STX17: variants seen among roughly 807,000 people sequenced by gnomAD.
The protein encoded by STX17 is syntaxin 17, also known as syntaxin-17.
In STX17, 29 loss-of-function variants were observed where a neutral mutation model predicts 35.9. The ratio of observed to expected loss-of-function variants is 0.81; its 90% CI spans 0.60 to 1.10. STX17 has a LOEUF of 1.10. Among genes scored for constraint, STX17 ranks in the 50% least tolerant of loss-of-function variants. STX17 has a pLI of 0.00. For missense variants in STX17, 312 were observed against 352.3 expected, an observed-to-expected ratio of 0.89 and a Z score of 0.92; for synonymous variants, 92 against 118.3, an observed-to-expected ratio of 0.78 and a Z score of 1.44.
chr9:99,940,470 CTTTTTTT>C (rs71498721), intron 3 of STX17, among the ~76,000 whole-genome samples: 9 of 107,752 alleles, frequency 8.4e-5, no homozygotes, highest in Admixed American at 3.0e-4. Flanking sequence ...TAGAATTTTA[CTTTTTTT>C]TTTTTTTTTT....
chr9:99,923,525 C>G (rs528894093), intron 2 of STX17, among the ~76,000 whole-genome samples: 1 of 152,306 alleles, frequency 6.6e-6, no homozygotes, highest in South Asian at 2.1e-4. Flanking sequence ...ACACAGAAGA[C>G]TTCTGTGACC....
chr9:99,953,880 G>A (rs1031292648), intron 4 of STX17: 1 of 151,922 alleles, frequency 6.6e-6, no homozygotes, highest in Non-Finnish European at 1.5e-5. Flanking sequence ...ACTGCCAGTA[G>A]AACTGTTCGG....
In STX17 at chr9:99,972,361, C is replaced by T. The variant is rs1830032527; in HGVS notation, c.*3688C>T. ...CTTTAAAATGATACCCTTGGGAAAT[C>T]ATGTACTTACTGTAGTGATGCTAGT... On this transcript the variant is annotated 3_prime_UTR_variant, in exon 8 of 8. Coordinates refer to ENST00000259400, the MANE Select transcript of STX17 (RefSeq NM_017919.3). Among the ~76,000 whole-genome samples, 1 of 152,166 alleles carries T rather than the reference C, an allele frequency of 6.6e-6. No individual in the cohort carries two copies. The highest frequency in any genetic ancestry group is 1.5e-5 in the Non-Finnish European group (1 of 68,032).
At chr9:99,916,727 A>G (rs1828782846) in intron 2 of STX17, among the ~76,000 whole-genome samples, 1 of 152,122 alleles carries the variant, frequency 6.6e-6, no homozygotes, top group African/African-American at 2.4e-5. Context: ...TTTCTTCTTT[A>G]CTTACAAGCA....
At chr9:99,944,077 A>G (rs1490674202) in intron 3 of STX17, among the ~76,000 whole-genome samples, 6 of 151,934 alleles carry the variant, frequency 3.9e-5, no homozygotes, top group Non-Finnish European at 8.8e-5. Flanking sequence ...TATTTCATCT[A>G]AGTTTTCTAA....
chr9:99,940,534 T>TGATCTCA (rs1256492562), intron 3 of STX17, among the ~76,000 whole-genome samples: 1 of 145,288 alleles, frequency 6.9e-6, no homozygotes, highest in African/African-American at 2.6e-5. Flanking sequence ...TGCAGTGGCG[T>TGATCTCA]GATCTCAGAT....
At chr9:99,938,879 C>G (rs1197850624) in intron 3 of STX17, among the ~76,000 whole-genome samples, 1 of 151,826 alleles carries the variant, frequency 6.6e-6, no homozygotes, top group Non-Finnish European at 1.5e-5. Context: ...GATTTTTCTT[C>G]ATAATAGTGA....
At chr9:99,936,875 T>C (rs1829247685) in intron 3 of STX17, among the ~76,000 whole-genome samples, 1 of 152,196 alleles carries the variant, frequency 6.6e-6, no homozygotes, top group South Asian at 2.1e-4. Context: ...GTGTGCTTAA[T>C]GCCCTTATGT....
intron 1 of STX17, among the ~76,000 whole-genome samples, chr9:99,907,803 C>G (rs1385897306): frequency 2.0e-5 from 3 of 152,110 alleles, no homozygotes; most frequent in Non-Finnish European, 4.4e-5. Flanking sequence ...ATACTATTAA[C>G]TGAATTACTA....
chr9:99,935,597 C>T (rs1047138298), intron 3 of STX17, among the ~76,000 whole-genome samples: 8 of 151,996 alleles, frequency 5.3e-5, no homozygotes, highest in Non-Finnish European at 7.3e-5. Context: ...ACATCTGTGG[C>T]GGTGGCAAGT....
chr9:99,961,583 G>C (rs781258307), intron 6 of STX17, among the ~76,000 whole-genome samples: 1 of 152,034 alleles, frequency 6.6e-6, no homozygotes, highest in Non-Finnish European at 1.5e-5. Flanking sequence ...GTATGAATAC[G>C]TGTGTATGTA....
In STX17 at chr9:99,943,203, T is replaced by C. The variant is rs192844430; in HGVS notation, c.190-7857T>C. Among the ~76,000 whole-genome samples, 993 of 151,838 alleles carry C rather than the reference T, an allele frequency of 6.5e-3. 9 individuals carry two copies. The highest frequency in any genetic ancestry group is 0.022 in the African/African-American group (919 of 41,424). On this transcript the variant is annotated intron_variant, in intron 3 of 7. Coordinates refer to ENST00000259400, the MANE Select transcript of STX17 (RefSeq NM_017919.3). ...GGCTGGAGTGCAGTGGCGCGATCTC[T>C]GCTCACTGCAAGCTCCGCCTCCTGG...
At chr9:99,944,713 G>A (rs996679393) in intron 3 of STX17, among the ~76,000 whole-genome samples, 7 of 151,748 alleles carry the variant, frequency 4.6e-5, no homozygotes, top group East Asian at 1.9e-4. Flanking sequence ...ATGGGGTTTC[G>A]CCATGTTTGT....
intron 3 of STX17, among the ~76,000 whole-genome samples, chr9:99,943,323 T>C (rs1463871730): frequency 6.6e-6 from 1 of 151,830 alleles, no homozygotes; most frequent in Non-Finnish European, 1.5e-5. Flanking sequence ...TTTTTGTTTT[T>C]TTGAGTTGGT....
Position 99,974,300 on chromosome 9 carries a change from A to G in STX17, c.*5627A>G, listed in dbSNP as rs933993747. ...TCATGAGTAGTTGAGATTTTCTTGT[A>G]TTAAGGTTAATCACTAAAAAGGTGT... On this transcript the variant is annotated 3_prime_UTR_variant, in exon 8 of 8. Coordinates refer to ENST00000259400, the MANE Select transcript of STX17 (RefSeq NM_017919.3). Among the ~76,000 whole-genome samples, 1 of 152,208 alleles carries G rather than the reference A, an allele frequency of 6.6e-6. No individual in the cohort carries two copies. The highest frequency in any genetic ancestry group is 2.4e-5 in the African/African-American group (1 of 41,446).
rs900954881 is a variant in STX17, at chr9:99,971,998, A to T, written c.*3325A>T. Among the ~76,000 whole-genome samples, 3 of 152,206 alleles carry T rather than the reference A, an allele frequency of 2.0e-5. No individual in the cohort carries two copies. The highest frequency in any genetic ancestry group is 6.5e-5 in the Admixed American group (1 of 15,280). ...AAGACCCTCTCTCAAAAAAATATTTAAAAAAAGGTGGGTCATCCATTCTCC... is the reference window on the plus strand; with the variant it reads ...AAGACCCTCTCTCAAAAAAATATTTTAAAAAAGGTGGGTCATCCATTCTCC... On this transcript the variant is annotated 3_prime_UTR_variant, in exon 8 of 8. Coordinates refer to ENST00000259400, the MANE Select transcript of STX17 (RefSeq NM_017919.3).
intron 2 of STX17, among the ~76,000 whole-genome samples, chr9:99,920,288 A>C (rs1828862555): frequency 6.6e-6 from 1 of 152,198 alleles, no homozygotes; most frequent in South Asian, 2.1e-4. Context: ...GAAGATATAC[A>C]GATATGCGTG....
intron 2 of STX17, 119 bp downstream of exon 2, chr9:99,915,481 A>G (rs1261180518): frequency 2.4e-6 from 3 of 1,239,932 alleles, no homozygotes; most frequent in East Asian, 2.6e-5. Context: ...CCTAGCTCCT[A>G]TTGATTTAGC....
In STX17 at chr9:99,971,967, C is replaced by T. The variant is rs1480846855; in HGVS notation, c.*3294C>T. Reference sequence around the variant, plus strand: ...TTGAACTCAGGAGCAGCCTTGGTGACAGAACAAGACCCTCTCTCAAAAAAA... The same window carrying T: ...TTGAACTCAGGAGCAGCCTTGGTGATAGAACAAGACCCTCTCTCAAAAAAA... On this transcript the variant is annotated 3_prime_UTR_variant, in exon 8 of 8. Coordinates refer to ENST00000259400, the MANE Select transcript of STX17 (RefSeq NM_017919.3). 6.6e-6 allele frequency among the ~76,000 whole-genome samples: 1 copy of T among 152,094 alleles called. No individual in the cohort carries two copies. The highest frequency in any genetic ancestry group is 2.4e-5 in the African/African-American group (1 of 41,410).
Sources: gnomAD v4.1 joint callset for allele counts (sites outside exome capture counted in the v4.1 genomes callset) on GRCh38, gnomAD v4.1.1 for gene constraint, MANE v1.5 for transcripts, NCBI Gene and HGNC (gene_info 2026-07-23, HGNC 2026-07-21) for gene names.